The following ZNF385D variants were observed in gnomAD, a reference collection of about 807,000 sequenced individuals.
ZNF385D encodes the protein zinc finger protein 659.
Under a neutral mutation model 35.8 loss-of-function variants are expected in ZNF385D, and 15 were observed. The observed-to-expected ratio is 0.42, with a 90% confidence interval of 0.28 to 0.64. The LOEUF (loss-of-function observed/expected upper bound fraction) is 0.64. ZNF385D is among the 30% of genes least tolerant of loss of function. The pLI is 0.23. For synonymous variants in ZNF385D, 212 were observed against 186.8 expected (o/e 1.13, Z -1.10); for missense variants, 474 against 494.6 (o/e 0.96, Z 0.39).
intron 3 of ZNF385D, among the ~76,000 whole-genome samples, chr3:22,036,603 A>G (rs1698334200): frequency 6.6e-6 from 1 of 152,162 alleles, no homozygotes. Flanking sequence ...TTATAATCAT[A>G]AAACAGTTTG....
At chr3:21,608,176 A>AT (rs1157882972) in intron 2 of ZNF385D, among the ~76,000 whole-genome samples, 2 of 151,676 alleles carry the variant, frequency 1.3e-5, no homozygotes, top group East Asian at 3.9e-4. Flanking sequence ...CACTTGGCTA[A>AT]TTTTTTGTGG....
intron 4 of ZNF385D, among the ~76,000 whole-genome samples, chr3:21,487,038 A>T (rs908912919): frequency 6.6e-6 from 1 of 152,158 alleles, no homozygotes; most frequent in Admixed American, 6.6e-5. Context: ...ATGTGGTATC[A>T]AAAGCAAGTT....
chr3:21,907,365 G>C (rs568887954), intron 3 of ZNF385D, among the ~76,000 whole-genome samples: 3 of 151,944 alleles, frequency 2.0e-5, no homozygotes, highest in African/African-American at 7.2e-5. Context: ...CTATAAAATG[G>C]CATTTGTTAC....
At chr3:21,424,319 T>TA (rs1160001393) in intron 6 of ZNF385D, among the ~76,000 whole-genome samples, 9 of 28,164 alleles carry the variant, frequency 3.2e-4, no homozygotes, top group African/African-American at 7.2e-4. Context: ...ATATATATAT[T>TA]TTTTTTTTTT....
At position 22,028,341 on chromosome 3, in the gene ZNF385D, A is replaced by T. The variant is rs1024915464; in HGVS notation, c.325+140476T>A. 2.0e-5 allele frequency among the ~76,000 whole-genome samples: 3 copies of T among 152,224 alleles called. No homozygotes were observed. In the East Asian group the frequency reaches 5.8e-4, roughly 29 times the overall value. ...ACCTCTGTCATCGCCCAGTGGGCCCATGAAAAAAGTGGCCATGGTGGCAGG... is the reference window on the plus strand; with the variant it reads ...ACCTCTGTCATCGCCCAGTGGGCCCTTGAAAAAAGTGGCCATGGTGGCAGG... On this transcript the variant is annotated intron_variant, in intron 3 of 5. Coordinates refer to the ZNF385D transcript ENST00000494108.
intron 2 of ZNF385D, among the ~76,000 whole-genome samples, chr3:21,589,296 C>T (rs78930702): frequency 1.8e-3 from 280 of 152,204 alleles, no homozygotes; most frequent in African/African-American, 6.2e-3. Flanking sequence ...ACCCTGCAGT[C>T]GGAGTTTACC....
At chr3:21,754,566 CTCAT>C (rs1204244194), upstream of ZNF385D, among the ~76,000 whole-genome samples, 1 of 152,098 alleles carries the variant, frequency 6.6e-6, no homozygotes, top group Non-Finnish European at 1.5e-5. Context: ...GACTCCTCAT[CTCAT>C]TCAAATATTG....
At position 22,107,709 on chromosome 3, in the gene ZNF385D, C is replaced by G. The variant is rs1271270374; in HGVS notation, c.325+61108G>C. On this transcript the variant is annotated intron_variant, in intron 3 of 5. Coordinates refer to the ZNF385D transcript ENST00000494108. ...AATTGTTGATATATTTCCTTCTAGT[C>G]TTTTTTCTGTGCATGCGCTGTATGA... Among the ~76,000 whole-genome samples, 6 of 151,938 alleles carry G rather than the reference C, an allele frequency of 3.9e-5. 1 individual carries two copies. Among genetic ancestry groups the G allele is most frequent in the Non-Finnish European group, 8.8e-5 (6 of 67,980 alleles).
At chr3:22,005,266 T>C (rs945193643) in intron 3 of ZNF385D, among the ~76,000 whole-genome samples, 10 of 151,758 alleles carry the variant, frequency 6.6e-5, no homozygotes, top group African/African-American at 2.4e-4. Flanking sequence ...ATGGCTATTA[T>C]TAAAAAGATG....
chr3:22,097,151 G>T (rs368985711), intron 3 of ZNF385D, among the ~76,000 whole-genome samples: 6 of 152,082 alleles, frequency 3.9e-5, no homozygotes, highest in African/African-American at 1.4e-4. Flanking sequence ...GAGCCATTCT[G>T]CATGAGCTGC....
chr3:22,122,235 G>A (rs140008017), intron 3 of ZNF385D, among the ~76,000 whole-genome samples: 1 of 152,022 alleles, frequency 6.6e-6, no homozygotes, highest in Non-Finnish European at 1.5e-5. Context: ...ACCAGAACTT[G>A]CTCTTACTAA....
intron 2 of ZNF385D, among the ~76,000 whole-genome samples, chr3:22,286,409 T>C (rs1049324728): frequency 6.6e-6 from 1 of 152,096 alleles, no homozygotes; most frequent in Non-Finnish European, 1.5e-5. Flanking sequence ...TTATTTCTGC[T>C]CTGATCTTTC....
intron 3 of ZNF385D, among the ~76,000 whole-genome samples, chr3:21,781,618 T>A (rs1181556839): frequency 6.6e-6 from 1 of 152,068 alleles, no homozygotes; most frequent in Admixed American, 6.6e-5. Context: ...ATACCTCATA[T>A]AAAATCAGGC....
intron 3 of ZNF385D, among the ~76,000 whole-genome samples, chr3:21,952,856 C>T (rs771162137): frequency 1.2e-4 from 18 of 151,874 alleles, no homozygotes; most frequent in Non-Finnish European, 2.5e-4. Context: ...AAACTAAACT[C>T]AAATGAAATT....
intron 3 of ZNF385D, among the ~76,000 whole-genome samples, chr3:21,953,204 G>A (rs1472676430): frequency 6.6e-6 from 1 of 151,228 alleles, no homozygotes; most frequent in African/African-American, 2.4e-5. Flanking sequence ...AAGGTCATGT[G>A]GGAAATGCAC....
intron 4 of ZNF385D, among the ~76,000 whole-genome samples, chr3:21,449,084 ATATT>A (rs1255721027): frequency 1.1e-5 from 1 of 89,058 alleles, no homozygotes; most frequent in African/African-American, 4.9e-5. Flanking sequence ...ATTTAAGTAT[ATATT>A]TAAGAAAAAA....
chr3:21,823,770 C>G (rs1041703020), intron 3 of ZNF385D, among the ~76,000 whole-genome samples: 2 of 152,170 alleles, frequency 1.3e-5, no homozygotes, highest in East Asian at 1.9e-4. Context: ...GTACTACCTA[C>G]ATATGATCAA....
At chr3:22,031,502 C>T (rs1214131271) in intron 3 of ZNF385D, among the ~76,000 whole-genome samples, 1 of 152,196 alleles carries the variant, frequency 6.6e-6, no homozygotes, top group Non-Finnish European at 1.5e-5. Flanking sequence ...GCCTGAGCTG[C>T]ACCTTGCCCC....
chr3:22,103,078 A>G (rs765374061), intron 3 of ZNF385D, among the ~76,000 whole-genome samples: 1 of 151,814 alleles, frequency 6.6e-6, no homozygotes, highest in Non-Finnish European at 1.5e-5. Context: ...TATTAAATTT[A>G]AATAAAACTT....
Sources: gnomAD v4.1 joint callset for allele counts (sites outside exome capture counted in the v4.1 genomes callset) on GRCh38, gnomAD v4.1.1 for gene constraint, MANE v1.5 for transcripts, NCBI Gene and HGNC (gene_info 2026-07-23, HGNC 2026-07-21) for gene names.